The following PHAF1 variants were observed in gnomAD, a reference collection of about 807,000 sequenced individuals.
PHAF1 encodes the protein phagophore assembly factor 1, also known as phagosome assembly factor 1.
In PHAF1, 23 loss-of-function variants were observed where a neutral mutation model predicts 63.1. The observed-to-expected ratio is 0.36, with a 90% CI of 0.26 to 0.52. The LOEUF is 0.52. Ranked by LOEUF, PHAF1 falls within the 20% of genes least tolerant of loss-of-function variation. PHAF1 has a pLI of 0.93. For synonymous variants in PHAF1, 167 were observed against 185.0 expected (o/e 0.90, Z 0.79); for missense variants, 427 against 517.2 (o/e 0.83, Z 1.69).
chr16:67,135,074 G>A (rs1248614377), intron 8 of PHAF1: 1 of 189,658 alleles, frequency 5.3e-6, no homozygotes, highest in East Asian at 1.5e-4. Context: ...ATATAGCTTT[G>A]TGACAGTTCC....
At chr16:67,113,347 G>A (rs759777015) in intron 1 of PHAF1, among the ~76,000 whole-genome samples, 1 of 152,100 alleles carries the variant, frequency 6.6e-6, no homozygotes, top group East Asian at 1.9e-4. Context: ...GGAAAACCTA[G>A]GCCAAGCAGA....
chr16:67,128,850 C>T (rs1477555509), intron 3 of PHAF1, among the ~76,000 whole-genome samples: 1 of 152,202 alleles, frequency 6.6e-6, no homozygotes, highest in Non-Finnish European at 1.5e-5. Context: ...CCACTGTTTT[C>T]CCATTGATCA....
At chr16:67,134,572 T>C in intron 8 of PHAF1, 105 bp downstream of exon 8, 2 of 992,602 alleles carry the variant, frequency 2.0e-6, no homozygotes, top group East Asian at 2.4e-5. Flanking sequence ...CAGGCTGCTA[T>C]AATAAAATAC....
intron 1 of PHAF1, among the ~76,000 whole-genome samples, chr16:67,118,172 A>C (rs1597185801): frequency 1.6e-5 from 2 of 122,350 alleles, no homozygotes; most frequent in Admixed American, 1.0e-4. Flanking sequence ...ATGGGCTTTC[A>C]CCATGTTAGC....
chr16:67,120,058 A>G (rs1329565568), intron 1 of PHAF1, 54 bp from the exon 2 acceptor site: 2 of 1,491,266 alleles, frequency 1.3e-6, no homozygotes, highest in African/African-American at 2.8e-5. Context: ...GAAGTGGTAG[A>G]TGTCAATAGA....
At chr16:67,125,739 T>A (rs1963163310) in intron 2 of PHAF1, among the ~76,000 whole-genome samples, 1 of 152,242 alleles carries the variant, frequency 6.6e-6, no homozygotes, top group Admixed American at 6.5e-5. Flanking sequence ...GAGGCTCTTT[T>A]CAGCCGATAT....
At chr16:67,137,154 CAA>C (rs1169960632) in intron 8 of PHAF1, among the ~76,000 whole-genome samples, 13 of 107,174 alleles carry the variant, frequency 1.2e-4, no homozygotes, top group Admixed American at 9.8e-5. Context: ...GACTCCTTCT[CAA>C]AAAAAAAAAA....
intron 4 of PHAF1, among the ~76,000 whole-genome samples, chr16:67,131,620 G>A (rs375594026): frequency 6.6e-6 from 1 of 152,210 alleles, no homozygotes; most frequent in African/African-American, 2.4e-5. Context: ...GGTCATAGCT[G>A]CCCTCCCGCT....
chr16:67,134,981 C>CT (rs1452171412), intron 8 of PHAF1: 2 of 326,248 alleles, frequency 6.1e-6, no homozygotes, highest in Admixed American at 8.8e-5. Context: ...TGTCAAGGGA[C>CT]TGGACATAGT....
intron 8 of PHAF1, among the ~76,000 whole-genome samples, chr16:67,139,227 G>C (rs1355302828): frequency 6.6e-6 from 1 of 150,436 alleles, no homozygotes; most frequent in Non-Finnish European, 1.5e-5. Context: ...CGGCCAAGAA[G>C]TACCTCTTAA....
intron 3 of PHAF1, among the ~76,000 whole-genome samples, chr16:67,130,346 CT>C (rs34430310): frequency 0.043 from 3,237 of 74,942 alleles, 25 homozygotes; most frequent in Non-Finnish European, 0.065. Flanking sequence ...CGTGCCCGGC[CT>C]TTTTTTTTTT....
intron 2 of PHAF1, among the ~76,000 whole-genome samples, chr16:67,122,189 C>T (rs559781476): frequency 2.0e-5 from 3 of 152,306 alleles, no homozygotes; most frequent in East Asian, 1.9e-4. Flanking sequence ...CGTGAGCCAC[C>T]GTGACCGGCC....
intron 8 of PHAF1, among the ~76,000 whole-genome samples, chr16:67,138,191 G>A (rs888822419): frequency 6.6e-6 from 1 of 152,144 alleles, no homozygotes; most frequent in African/African-American, 2.4e-5. Context: ...TCTGGTGCCT[G>A]AAGAAATGTG....
intron 14 of PHAF1, 84 bp downstream of exon 14, chr16:67,145,712 T>C (rs1012583460): frequency 1.4e-5 from 20 of 1,442,610 alleles, no homozygotes; most frequent in Admixed American, 1.3e-4. Flanking sequence ...ACAGTGGATG[T>C]TGCTTAAAAA....
At chr16:67,118,430 G>A (rs1962841131) in intron 1 of PHAF1, among the ~76,000 whole-genome samples, 1 of 141,664 alleles carries the variant, frequency 7.1e-6, no homozygotes, top group Admixed American at 7.8e-5. Flanking sequence ...TCTGCCTCCT[G>A]AGTTCAAGCA....
At position 67,134,154 on chromosome 16, in the gene PHAF1, AC is replaced by A; in HGVS notation, c.451-12del. The A allele has an allele frequency of 1.2e-6, 2 of 1,607,836 alleles. No homozygotes were observed. The highest frequency in any genetic ancestry group is 1.7e-6 in the Non-Finnish European group (2 of 1,174,800). On this transcript the variant is annotated splice_polypyrimidine_tract_variant and intron_variant, in intron 6 of 15. Transcript: ENST00000219139. ...TGTTGTGCCCTAAGTAAAACTCTTGACCTTTGTTTGCAGCCCAATTTTGCCC... is the reference window on the plus strand; with the variant it reads ...TGTTGTGCCCTAAGTAAAACTCTTGACTTTGTTTGCAGCCCAATTTTGCCC...
chr16:67,117,676 C>T (rs1202793480), intron 1 of PHAF1, among the ~76,000 whole-genome samples: 2 of 151,000 alleles, frequency 1.3e-5, no homozygotes, highest in African/African-American at 4.9e-5. Flanking sequence ...AGGAGAATGG[C>T]GTGAACCCAG....
chr16:67,119,538 T>A (rs1045880413), intron 1 of PHAF1, among the ~76,000 whole-genome samples: 11 of 151,592 alleles, frequency 7.3e-5, no homozygotes, highest in Admixed American at 1.3e-4. Flanking sequence ...TTTTTTTTTT[T>A]ATAGACAGAG....
chr16:67,141,771 G>A (rs1221161451), intron 10 of PHAF1, among the ~76,000 whole-genome samples: 1 of 152,230 alleles, frequency 6.6e-6, no homozygotes, highest in Non-Finnish European at 1.5e-5. Context: ...GGAGAATGCG[G>A]TGGCACCCGG....
Sources: gnomAD v4.1 joint callset for allele counts (sites outside exome capture counted in the v4.1 genomes callset) on GRCh38, gnomAD v4.1.1 for gene constraint, MANE v1.5 for transcripts, NCBI Gene and HGNC (gene_info 2026-07-23, HGNC 2026-07-21) for gene names.